Variants in SHISA9 observed in about 807,000 individuals in gnomAD.
SHISA9 encodes the protein protein shisa-9.
In SHISA9, 13 loss-of-function variants were observed where a neutral mutation model predicts 38.0. The observed-to-expected ratio is 0.34, with a 90% confidence interval of 0.22 to 0.54. SHISA9 has a LOEUF of 0.54. Among genes scored for constraint, SHISA9 ranks in the 20% least tolerant of loss-of-function variants. The pLI is 0.91. For missense variants in SHISA9, 538 were observed against 575.8 expected (o/e 0.93, Z 0.67); for synonymous variants, 275 against 242.0 (o/e 1.14, Z -1.27).
chr16:13,234,463 T>C (rs1455276567), intron 4 of SHISA9, among the ~76,000 whole-genome samples: 1 of 152,234 alleles, frequency 6.6e-6, no homozygotes, highest in African/African-American at 2.4e-5. Context: ...GTTAAGCTGC[T>C]GGCAGGTGTC....
the SHISA9 span, among the ~76,000 whole-genome samples, chr16:13,289,696 G>T: frequency 6.6e-6 from 1 of 151,952 alleles, no homozygotes; most frequent in African/African-American, 2.4e-5. Context: ...GAGAGAGATT[G>T]AGAGAGACTG....
At chr16:13,069,405 A>G (rs1375410471) in intron 2 of SHISA9, among the ~76,000 whole-genome samples, 1 of 152,144 alleles carries the variant, frequency 6.6e-6, no homozygotes, top group African/African-American at 2.4e-5. Flanking sequence ...GTGTACATAC[A>G]ATGTGTGCAT....
At chr16:12,923,624 A>G (rs1349723769) in intron 2 of SHISA9, among the ~76,000 whole-genome samples, 3 of 152,164 alleles carry the variant, frequency 2.0e-5, no homozygotes, top group Non-Finnish European at 4.4e-5. Flanking sequence ...ATGGGAGTTC[A>G]TTATTCTATT....
rs529708959 is a variant in SHISA9 at position 13,089,790 on chromosome 16, T to A, written c.692-113604T>A. Reference sequence around the variant, plus strand: ...TTGATTTTTTGAAGTGTTTTTTGTGTGTCTATCTCTTTCAGTTCTGCTCTG... The same window carrying A: ...TTGATTTTTTGAAGTGTTTTTTGTGAGTCTATCTCTTTCAGTTCTGCTCTG... On this transcript the variant is annotated intron_variant, in intron 2 of 4. Transcript: ENST00000558583. Among the ~76,000 whole-genome samples, 23 of 152,336 alleles carry A rather than the reference T, an allele frequency of 1.5e-4. No homozygotes were observed. The South Asian group carries it at 2.1e-3, about 14-fold the overall frequency.
chr16:13,203,520 T>G lies in SHISA9; in HGVS notation c.818T>G (p.Leu273Arg), dbSNP rs757532693. 12 of 1,545,202 alleles carry G rather than the reference T, an allele frequency of 7.8e-6. No individual in the cohort carries two copies. The South Asian group carries it at 1.4e-4, about 19-fold the overall frequency. ...GAACAGCAGCCACCAGGAAAAGAGC[T>G]CAACAAGTACGCCTCCTTAAAGGCA... ...PYEQQPPGKE[L>R]NKYASLKAVG... Residue 273 changes from leucine (L) to arginine (R), a missense_variant, in exon 3 of 5, where the codon CTC becomes CGC. Transcript: ENST00000558583.
downstream of SHISA9, among the ~76,000 whole-genome samples, chr16:13,241,124 C>A (rs190439168): frequency 2.0e-5 from 3 of 152,266 alleles, no homozygotes; most frequent in Admixed American, 2.0e-4. Context: ...GTGCCCATGG[C>A]CATCAGACAT....
At chr16:13,388,708 G>C in the SHISA9 span, among the ~76,000 whole-genome samples, 2 of 152,042 alleles carry the variant, frequency 1.3e-5, no homozygotes, top group African/African-American at 4.8e-5. Flanking sequence ...AGTCTCTTTT[G>C]TCTGTAAAAT....
At chr16:13,364,025 G>A in the SHISA9 span, among the ~76,000 whole-genome samples, 1 of 152,120 alleles carries the variant, frequency 6.6e-6, no homozygotes, top group African/African-American at 2.4e-5. Flanking sequence ...CCAAGTTTGA[G>A]GGTCACTGAT....
At chr16:13,351,537 C>T in the SHISA9 span, among the ~76,000 whole-genome samples, 2 of 152,124 alleles carry the variant, frequency 1.3e-5, no homozygotes, top group Admixed American at 6.5e-5. Flanking sequence ...ATTTCCCCAC[C>T]CCACCCCTGC....
intron 2 of SHISA9, among the ~76,000 whole-genome samples, chr16:12,925,900 C>A (rs575700798): frequency 7.4e-4 from 112 of 151,950 alleles, no homozygotes; most frequent in African/African-American, 2.5e-3. Context: ...TATTATTATT[C>A]TTTTTAGTAG....
intron 2 of SHISA9, among the ~76,000 whole-genome samples, chr16:12,956,684 G>C (rs6498368): frequency 0.055 from 8,315 of 152,192 alleles, 426 homozygotes; most frequent in African/African-American, 0.14. Flanking sequence ...GGTAGACATG[G>C]TCATAAAGAT....
the SHISA9 span, among the ~76,000 whole-genome samples, chr16:13,483,796 T>C: frequency 9.9e-5 from 15 of 152,238 alleles, no homozygotes; most frequent in Non-Finnish European, 2.9e-5. Context: ...TAGAGGTTTC[T>C]GAAGGGTGGT....
the SHISA9 span, among the ~76,000 whole-genome samples, chr16:13,499,236 G>C: frequency 2.0e-5 from 3 of 152,134 alleles, no homozygotes; most frequent in African/African-American, 7.2e-5. Flanking sequence ...CTCTGAAGTT[G>C]GGCAGGAACA....
At position 12,910,307 on chromosome 16, in the gene SHISA9, A is replaced by T. The variant is rs146643798; in HGVS notation, c.564-6381A>T. The T allele has an allele frequency of 5.6e-4, 126 of 226,540 alleles. 1 individual carries two copies. Among genetic ancestry groups the T allele is most frequent in the African/African-American group, 2.8e-3 (122 of 42,880 alleles). 14.0% of individuals were successfully genotyped at this position (226,540 alleles called of 1,614,324 possible). A position where few individuals can be genotyped will look rare whatever the true frequency, so the allele number is the denominator to read the frequency against. On this transcript the variant is annotated intron_variant, in intron 1 of 4. Coordinates refer to ENST00000558583, the MANE Select transcript of SHISA9 (RefSeq NM_001145204.3). ...GGCACAACAAAGTATCTCCAAATTCATTCATTCATTCTTTCATTCATTCGA... is the reference window on the plus strand; with the variant it reads ...GGCACAACAAAGTATCTCCAAATTCTTTCATTCATTCTTTCATTCATTCGA...
At chr16:13,440,219 C>G in the SHISA9 span, among the ~76,000 whole-genome samples, 1 of 152,228 alleles carries the variant, frequency 6.6e-6, no homozygotes, top group African/African-American at 2.4e-5. Flanking sequence ...TGGGGGCTCC[C>G]TTTCCTCAGA....
At chr16:12,980,419 T>C (rs1317155702) in intron 2 of SHISA9, among the ~76,000 whole-genome samples, 1 of 152,234 alleles carries the variant, frequency 6.6e-6, no homozygotes, top group Non-Finnish European at 1.5e-5. Flanking sequence ...TTACTTCATG[T>C]ATTCTTGCAT....
At position 13,235,519 on chromosome 16, in the gene SHISA9, C is replaced by T; in HGVS notation, c.*110C>T. 7.6e-7 allele frequency: 1 copy of T among 1,310,034 alleles called. No homozygotes were observed. Among genetic ancestry groups the T allele is most frequent in the Non-Finnish European group, 1.0e-6 (1 of 982,546 alleles). The allele number at this position is 1,310,034 out of a possible 1,614,324, so 81.2% of individuals were successfully genotyped here. A position where few individuals can be genotyped will look rare whatever the true frequency, so the allele number is the denominator to read the frequency against. On this transcript the variant is annotated 3_prime_UTR_variant, in exon 5 of 5. Coordinates refer to ENST00000558583, the MANE Select transcript of SHISA9 (RefSeq NM_001145204.3). ...CCTAATACATGCGTCCACACACTCA[C>T]TCTCAACAAGAACCAACTCTAAACC... is the stretch of plus-strand genomic sequence containing the variant.
intron 2 of SHISA9, among the ~76,000 whole-genome samples, chr16:12,937,556 G>T (rs2071550491): frequency 6.6e-6 from 1 of 152,166 alleles, no homozygotes; most frequent in Non-Finnish European, 1.5e-5. Context: ...AATTCTGGAG[G>T]GTAGACATAC....
At chr16:13,089,797 C>A (rs566555037) in intron 2 of SHISA9, among the ~76,000 whole-genome samples, 1 of 152,222 alleles carries the variant, frequency 6.6e-6, no homozygotes, top group South Asian at 2.1e-4. Flanking sequence ...GTGTGTCTAT[C>A]TCTTTCAGTT....
Sources: gnomAD v4.1 joint callset for allele counts (sites outside exome capture counted in the v4.1 genomes callset) on GRCh38, gnomAD v4.1.1 for gene constraint, MANE v1.5 for transcripts, NCBI Gene and HGNC (gene_info 2026-07-23, HGNC 2026-07-21) for gene names.